The following NXPH1 variants were observed in gnomAD, a reference collection of about 807,000 sequenced individuals.
NXPH1 encodes neurexophilin-1.
In NXPH1, 5 loss-of-function variants were observed where a neutral mutation model predicts 23.7. The ratio of observed to expected loss-of-function variants is 0.21; its 90% CI spans 0.11 to 0.44. The LOEUF is 0.44. Among genes scored for constraint, NXPH1 ranks in the 20% least tolerant of loss-of-function variants. The pLI, the probability that NXPH1 is intolerant of heterozygous loss-of-function variation, is 0.99. For synonymous variants in NXPH1, 144 were observed against 122.2 expected, an observed-to-expected ratio of 1.18 and a Z score of -1.18; for missense variants, 324 against 321.6, an observed-to-expected ratio of 1.01 and a Z score of -0.06.
intron 2 of NXPH1, among the ~76,000 whole-genome samples, chr7:8,627,978 G>A (rs1313272721): frequency 6.6e-6 from 1 of 152,106 alleles, no homozygotes; most frequent in East Asian, 1.9e-4. Flanking sequence ...GAAGGACAAG[G>A]AAGAAGTGAT....
intron 2 of NXPH1, among the ~76,000 whole-genome samples, chr7:8,674,452 C>T (rs1292286349): frequency 2.6e-5 from 4 of 152,024 alleles, no homozygotes; most frequent in Admixed American, 6.6e-5. Flanking sequence ...AGAAAACGTA[C>T]CGTATTTAAG....
At chr7:8,465,253 A>G (rs1044169658) in intron 2 of NXPH1, among the ~76,000 whole-genome samples, 2 of 152,226 alleles carry the variant, frequency 1.3e-5, no homozygotes, top group Non-Finnish European at 2.9e-5. Flanking sequence ...TAGCATCTTT[A>G]CAGAAACATT....
At chr7:8,528,198 C>G (rs1330181219) in intron 2 of NXPH1, among the ~76,000 whole-genome samples, 1 of 152,222 alleles carries the variant, frequency 6.6e-6, no homozygotes, top group African/African-American at 2.4e-5. Flanking sequence ...CAAAGCCCCC[C>G]TCCTCCCCTG....
At chr7:8,613,548 CTTAGGGAAAATGCAGA>C (rs1253499115) in intron 2 of NXPH1, among the ~76,000 whole-genome samples, 1 of 151,850 alleles carries the variant, frequency 6.6e-6, no homozygotes, top group Non-Finnish European at 1.5e-5. Flanking sequence ...TCTTAAAAGG[CTTAGGGAAAATGCAGA>C]TTAGGGAAAA....
intron 2 of NXPH1, among the ~76,000 whole-genome samples, chr7:8,616,251 A>G (rs1004478291): frequency 1.3e-5 from 2 of 149,726 alleles, no homozygotes; most frequent in Non-Finnish European, 3.0e-5. Context: ...GGTAAACTTC[A>G]TTTTGAAGTC....
At chr7:8,532,615 A>G (rs1329866608) in intron 2 of NXPH1, among the ~76,000 whole-genome samples, 5 of 152,060 alleles carry the variant, frequency 3.3e-5, no homozygotes, top group Non-Finnish European at 5.9e-5. Context: ...GCAAAAATCC[A>G]TGATCTGAGG....
intron 2 of NXPH1, among the ~76,000 whole-genome samples, chr7:8,621,926 G>A (rs571696242): frequency 4.6e-4 from 70 of 152,258 alleles, no homozygotes; most frequent in African/African-American, 1.5e-3. Flanking sequence ...TCTGAAGACC[G>A]TGCAGTTGCT....
chr7:8,534,245 T>G (rs1817993099), intron 2 of NXPH1, among the ~76,000 whole-genome samples: 2 of 151,960 alleles, frequency 1.3e-5, no homozygotes, highest in South Asian at 2.1e-4. Context: ...TATGAAAAAA[T>G]GAAGTCGGAG....
At chr7:8,585,467 A>G (rs1818960859) in intron 2 of NXPH1, among the ~76,000 whole-genome samples, 1 of 152,204 alleles carries the variant, frequency 6.6e-6, no homozygotes, top group Non-Finnish European at 1.5e-5. Flanking sequence ...ATAATCATTC[A>G]TGGGTAAATC....
At chr7:8,692,087 G>T (rs1178114846) in intron 2 of NXPH1, among the ~76,000 whole-genome samples, 2 of 151,866 alleles carry the variant, frequency 1.3e-5, no homozygotes, top group African/African-American at 4.8e-5. Context: ...TGGTCAGGGA[G>T]GTTGGAGTGA....
At chr7:8,693,669 T>A (rs887073526) in intron 2 of NXPH1, among the ~76,000 whole-genome samples, 3 of 148,234 alleles carry the variant, frequency 2.0e-5, no homozygotes, top group African/African-American at 7.3e-5. Flanking sequence ...TCAATAAATA[T>A]TTTTTCCTTT....
At chr7:8,653,151 T>C (rs573573912) in intron 2 of NXPH1, among the ~76,000 whole-genome samples, 1 of 152,230 alleles carries the variant, frequency 6.6e-6, no homozygotes, top group South Asian at 2.1e-4. Context: ...TACAGAAAAA[T>C]GACTGCTCTT....
chr7:8,681,465 T>C (rs1356212100), intron 2 of NXPH1, among the ~76,000 whole-genome samples: 2 of 152,130 alleles, frequency 1.3e-5, no homozygotes, highest in Admixed American at 6.5e-5. Flanking sequence ...TATAGTTCAA[T>C]GAAGCTACTC....
intron 2 of NXPH1, among the ~76,000 whole-genome samples, chr7:8,485,142 C>A (rs962824973): frequency 6.6e-6 from 1 of 152,124 alleles, no homozygotes; most frequent in African/African-American, 2.4e-5. Flanking sequence ...ATCACGTGGG[C>A]AGGCTTTTCC....
Position 8,434,384 on chromosome 7 carries a change from C to T in NXPH1, c.-482C>T, listed in dbSNP as rs1478817982. On this transcript the variant is annotated 5_prime_UTR_variant, in exon 1 of 3. Coordinates refer to ENST00000405863, the MANE Select transcript of NXPH1 (RefSeq NM_152745.3). The surrounding 1 kb of genome is among the most constrained non-coding windows in gnomAD (Gnocchi z 7.6). The stretch of plus-strand genomic sequence containing the variant: ...TCGTCCGGGTGCCAGCGCTGGCAGT[C>T]CCAGTCCGTCCGGTGCAGCAGCCCG... 6.5e-6 allele frequency: 1 copy of T among 153,630 alleles called. No homozygotes were observed. The highest frequency in any genetic ancestry group is 2.4e-5 in the African/African-American group (1 of 41,480). The allele number at this position is 153,630 out of a possible 1,614,324, so 9.5% of individuals were successfully genotyped here.
rs1280147956 is a variant in NXPH1, at chr7:8,726,947, C to T, written c.55-24061C>T. On this transcript the variant is annotated intron_variant, in intron 2 of 2. Coordinates refer to ENST00000405863, the MANE Select transcript of NXPH1 (RefSeq NM_152745.3). ...CAATGGTTGAACTAGTTTACAGTCC[C>T]ACCAACAGTGTAAAAGTGTTCCTAT... Among the ~76,000 whole-genome samples, 6 of 149,850 alleles carry T rather than the reference C, an allele frequency of 4.0e-5. No individual in the cohort carries two copies. In the East Asian group the frequency reaches 9.9e-4, roughly 25 times the overall value.
chr7:8,731,351 A>T (rs1018959372), intron 2 of NXPH1, among the ~76,000 whole-genome samples: 3 of 152,240 alleles, frequency 2.0e-5, no homozygotes, highest in African/African-American at 7.2e-5. Flanking sequence ...CATCAAAGTC[A>T]TTCTCAATCC....
At chr7:8,448,192 C>G (rs1584160872) in intron 2 of NXPH1, among the ~76,000 whole-genome samples, 1 of 152,222 alleles carries the variant, frequency 6.6e-6, no homozygotes, top group African/African-American at 2.4e-5. Flanking sequence ...ATGGGGCTGA[C>G]AATACCTCCC....
chr7:8,678,928 A>ATTTTTTTTTTTTTTTTTTTTTTTTTTTT lies in NXPH1; in HGVS notation c.55-72072_55-72045dup, dbSNP rs540056222. 1.5e-3 allele frequency among the ~76,000 whole-genome samples: 101 copies of ATTTTTTTTTTTTTTTTTTTTTTTTTTTT among 68,784 alleles called. 19 individuals are homozygous for ATTTTTTTTTTTTTTTTTTTTTTTTTTTT. The highest frequency in any genetic ancestry group is 2.1e-3 in the African/African-American group (28 of 13,542). 45.1% of individuals were successfully genotyped at this position (68,784 alleles called of 152,430 possible). A position where few individuals can be genotyped will look rare whatever the true frequency, so the allele number is the denominator to read the frequency against. On this transcript the variant is annotated intron_variant, in intron 2 of 2. Transcript: ENST00000405863. ...TCTAGATTTATCTTTGCTTTATCCA[A>ATTTTTTTTTTTTTTTTTTTTTTTTTTTT]TTTTTTTTTTTTTTTTTTTTTTTTT...
Sources: gnomAD v4.1 joint callset for allele counts (sites outside exome capture counted in the v4.1 genomes callset) on GRCh38, gnomAD v4.1.1 for gene constraint, Gnocchi (gnomAD v3.1) non-coding constraint, MANE v1.5 for transcripts, NCBI Gene and HGNC (gene_info 2026-07-23, HGNC 2026-07-21) for gene names.